TP53INP2: variants seen among roughly 807,000 people sequenced by gnomAD.
The protein encoded by TP53INP2 is tumor protein p53-inducible nuclear protein 2.
TP53INP2 carries 12 observed loss-of-function variants against 17.1 expected under a neutral mutation model. That is an observed-to-expected ratio of 0.70 (90% CI 0.45 to 1.14). The LOEUF (loss-of-function observed/expected upper bound fraction) is 1.14. TP53INP2 is among the 50% of genes most tolerant of loss of function. TP53INP2 has a pLI of 0.00. For missense variants in TP53INP2, 342 were observed against 330.9 expected (o/e 1.03, Z -0.26); for synonymous variants, 145 against 147.3 (o/e 0.98, Z 0.12).
rs763233128 is a variant in TP53INP2 at position 34,710,543 on chromosome 20, C to G, written c.*236C>G. On this transcript the variant is annotated 3_prime_UTR_variant, in exon 5 of 5. Coordinates refer to ENST00000374810, the MANE Select transcript of TP53INP2 (RefSeq NM_021202.3). This position sits in a 1 kb window ranked among gnomAD's most constrained non-coding sequence, Gnocchi z 4.9. The stretch of plus-strand genomic sequence containing the variant: ...TACCCAGCATCTAATCATCCATGCC[C>G]CCTACTCCTGGCCCCTCCATCCTTT... The G allele has an allele frequency of 5.2e-6, 2 of 388,040 alleles. No individual in the cohort carries two copies. The highest frequency in any genetic ancestry group is 8.9e-6 in the Non-Finnish European group (2 of 224,718). 24.0% of individuals were successfully genotyped at this position (388,040 alleles called of 1,614,324 possible). A position where few individuals can be genotyped will look rare whatever the true frequency, so the allele number is the denominator to read the frequency against.
chr20:34,709,176 TG>T lies in TP53INP2; in HGVS notation c.125-59del, dbSNP rs1167990601. The stretch of plus-strand genomic sequence containing the variant: ...CCCTTGTCCGGTGTGTGTGTGTGTG[TG>T]TGTGTGTGCCTCCTCGCTGCTCCCC... On this transcript the variant is annotated intron_variant, in intron 3 of 4. Transcript: ENST00000374810. This position sits in a 1 kb window ranked among gnomAD's most constrained non-coding sequence, Gnocchi z 5.4. The T allele has an allele frequency of 4.0e-5, 59 of 1,491,878 alleles. No individual in the cohort carries two copies. The African/African-American group carries it at 7.7e-4, about 19-fold the overall frequency. 92.4% of individuals were successfully genotyped at this position (1,491,878 alleles called of 1,614,324 possible). A position where few individuals can be genotyped will look rare whatever the true frequency, so the allele number is the denominator to read the frequency against.
In TP53INP2 at chr20:34,712,533, T is replaced by C. The variant is rs1184456541; in HGVS notation, c.*2226T>C. The stretch of plus-strand genomic sequence containing the variant: ...GCATTTGAGTGTGGCAATATTTTAA[T>C]TGTGTATAGATTTCTAAGAACCAAC... On this transcript the variant is annotated 3_prime_UTR_variant, in exon 5 of 5. Coordinates refer to ENST00000374810, the MANE Select transcript of TP53INP2 (RefSeq NM_021202.3). 6.5e-6 allele frequency: 1 copy of C among 152,680 alleles called. No individual in the cohort carries two copies. The highest frequency in any genetic ancestry group is 1.5e-5 in the Non-Finnish European group (1 of 68,066). The allele number at this position is 152,680 out of a possible 1,614,324, so 9.5% of individuals were successfully genotyped here. A position where few individuals can be genotyped will look rare whatever the true frequency, so the allele number is the denominator to read the frequency against.
At chr20:34,705,067 G>T (rs6088583) in intron 1 of TP53INP2, among the ~76,000 whole-genome samples, 5 of 152,206 alleles carry the variant, frequency 3.3e-5, no homozygotes, top group Admixed American at 6.5e-5. Context: ...TTTGTGTGCA[G>T]CGCCTTAGCT....
At position 34,709,145 on chromosome 20, in the gene TP53INP2, C is replaced by T; in HGVS notation, c.125-91C>T. The T allele has an allele frequency of 1.4e-6, 2 of 1,444,358 alleles. No homozygotes were observed. Among genetic ancestry groups the T allele is most frequent in the Non-Finnish European group, 1.8e-6 (2 of 1,102,766 alleles). 89.5% of individuals were successfully genotyped at this position (1,444,358 alleles called of 1,614,324 possible). A position where few individuals can be genotyped will look rare whatever the true frequency, so the allele number is the denominator to read the frequency against. ...TCTGACTAACGATGCCCTTTCTCTC[C>T]CCGCCCCCTTGTCCGGTGTGTGTGT... On this transcript the variant is annotated intron_variant, in intron 3 of 4. Coordinates refer to ENST00000374810, the MANE Select transcript of TP53INP2 (RefSeq NM_021202.3). This position sits in a 1 kb window ranked among gnomAD's most constrained non-coding sequence, Gnocchi z 5.4.
In TP53INP2 at chr20:34,709,452, C is replaced by A; in HGVS notation, c.341C>A (p.Thr114Asn). The A allele has an allele frequency of 6.2e-7, 1 of 1,613,766 alleles. No homozygotes were observed. The highest frequency in any genetic ancestry group is 8.5e-7 in the Non-Finnish European group (1 of 1,179,876). ...PSMSVYVTGS[T>N]IVLEPGSPSP... is the part of the protein sequence containing the mutation. ...ATGTCCGTTTACGTCACCGGCAGCACCATAGTGCTAGAGCCCGGGTCCCCT... is the reference window on the plus strand; with the variant it reads ...ATGTCCGTTTACGTCACCGGCAGCAACATAGTGCTAGAGCCCGGGTCCCCT... The change falls in exon 4 of 5, where the codon ACC (threonine) becomes AAC (asparagine). Residue 114 changes from threonine (T) to asparagine (N), a missense_variant. Transcript: ENST00000374810. The surrounding 1 kb of genome is among the most constrained non-coding windows in gnomAD (Gnocchi z 5.4).
chr20:34,709,097 G>A lies in TP53INP2; in HGVS notation c.125-139G>A. The A allele has an allele frequency of 7.0e-7, 1 of 1,435,536 alleles. No homozygotes were observed. The highest frequency in any genetic ancestry group is 9.1e-7 in the Non-Finnish European group (1 of 1,097,656). The allele number at this position is 1,435,536 out of a possible 1,614,324, so 88.9% of individuals were successfully genotyped here. ...AGACGCCTGGCCCGTGGGTGCCCCG[G>A]GGCGCTGCGGACGGGCTGCGGGTCT... On this transcript the variant is annotated intron_variant, in intron 3 of 4. Coordinates refer to ENST00000374810, the MANE Select transcript of TP53INP2 (RefSeq NM_021202.3). The surrounding 1 kb of genome is among the most constrained non-coding windows in gnomAD (Gnocchi z 5.4).
rs369052205 is a variant in TP53INP2 at position 34,710,006 on chromosome 20, G to GCCC, written c.414-52_414-51insCCC. ...GGGTGGGAGATGGCAGCGCCCTCTA[G>GCCC]ACCCCCCGCCCAGCTTACCCGGCTT... On this transcript the variant is annotated intron_variant, in intron 4 of 4. Coordinates refer to ENST00000374810, the MANE Select transcript of TP53INP2 (RefSeq NM_021202.3). This position sits in a 1 kb window ranked among gnomAD's most constrained non-coding sequence, Gnocchi z 4.9. 1,076 of 1,243,650 alleles carry GCCC rather than the reference G, an allele frequency of 8.7e-4. 3 individuals are homozygous for GCCC. Among genetic ancestry groups the GCCC allele is most frequent in the South Asian group, 2.1e-3 (78 of 36,862 alleles). 77.0% of individuals were successfully genotyped at this position (1,243,650 alleles called of 1,614,324 possible). A position where few individuals can be genotyped will look rare whatever the true frequency, so the allele number is the denominator to read the frequency against.
rs768601728 is a variant in TP53INP2, at chr20:34,709,553, GC to G, written c.413+32del. Reference sequence around the variant, plus strand: ...AGCGGGCCGGGGGCGGAGCCTGGAGGCCCAGGGAGACGGATCTTGGAGGCCA... The same window carrying G: ...AGCGGGCCGGGGGCGGAGCCTGGAGGCCAGGGAGACGGATCTTGGAGGCCA... On this transcript the variant is annotated intron_variant, in intron 4 of 4. Coordinates refer to ENST00000374810, the MANE Select transcript of TP53INP2 (RefSeq NM_021202.3). The surrounding 1 kb of genome is among the most constrained non-coding windows in gnomAD (Gnocchi z 5.4). 5.0e-6 allele frequency: 8 copies of G among 1,587,230 alleles called. No homozygotes were observed. Among genetic ancestry groups the G allele is most frequent in the Non-Finnish European group, 6.0e-6 (7 of 1,172,980 alleles).
At chr20:34,707,616 C>A (rs1988031246) in intron 2 of TP53INP2, among the ~76,000 whole-genome samples, 1 of 152,140 alleles carries the variant, frequency 6.6e-6, no homozygotes, top group African/African-American at 2.4e-5. Context: ...TGTGTGGATT[C>A]AATCCCACCT....
At position 34,711,610 on chromosome 20, in the gene TP53INP2, G is replaced by C. The variant is rs992525902; in HGVS notation, c.*1303G>C. 6.6e-6 allele frequency: 1 copy of C among 152,270 alleles called. No individual in the cohort carries two copies. The highest frequency in any genetic ancestry group is 1.5e-5 in the Non-Finnish European group (1 of 68,034). The allele number at this position is 152,270 out of a possible 1,614,324, so 9.4% of individuals were successfully genotyped here. On this transcript the variant is annotated 3_prime_UTR_variant, in exon 5 of 5. Coordinates refer to ENST00000374810, the MANE Select transcript of TP53INP2 (RefSeq NM_021202.3). This position sits in a 1 kb window ranked among gnomAD's most constrained non-coding sequence, Gnocchi z 4.1. ...CTCTTTCTTTCTAGGTTGCTGGGGA[G>C]AAATGGGTACCCTATGATCCCCCTC...
intron 2 of TP53INP2, among the ~76,000 whole-genome samples, chr20:34,706,515 C>T (rs1389650424): frequency 1.3e-5 from 2 of 152,172 alleles, no homozygotes; most frequent in East Asian, 3.8e-4. Context: ...AATGGAGTCA[C>T]TAGCTCCCTG....
In TP53INP2 at chr20:34,710,120, G is replaced by C. The variant is rs1188348027; in HGVS notation, c.476G>C (p.Arg159Pro). The C allele has an allele frequency of 7.9e-7, 1 of 1,263,156 alleles. No individual in the cohort carries two copies. The highest frequency in any genetic ancestry group is 9.9e-7 in the Non-Finnish European group (1 of 1,008,310). The allele number at this position is 1,263,156 out of a possible 1,614,324, so 78.2% of individuals were successfully genotyped here. ...AARHAAPLPARAALLEKAGQV... is the reference protein window; with the variant it reads ...AARHAAPLPAPAALLEKAGQV... ...CGCCACGCCGCTCCTCTCCCAGCGC[G>C]GGCGGCGCTGCTGGAGAAGGCGGGC... Residue 159 changes from arginine to proline, a missense_variant, in exon 5 of 5, where the codon CGG becomes CCG. Physicochemically the swap from Arg to Pro is moderately radical, Grantham distance 103 (BLOSUM62 -2). Coordinates refer to ENST00000374810, the MANE Select transcript of TP53INP2 (RefSeq NM_021202.3). This position sits in a 1 kb window ranked among gnomAD's most constrained non-coding sequence, Gnocchi z 4.9.
At chr20:34,707,282 A>G (rs1988024788) in intron 2 of TP53INP2, among the ~76,000 whole-genome samples, 1 of 152,052 alleles carries the variant, frequency 6.6e-6, no homozygotes, top group Non-Finnish European at 1.5e-5. Flanking sequence ...CAGAGGGGGG[A>G]GGGCCTGCCG....
chr20:34,704,730 G>A (rs1420118172), intron 1 of TP53INP2: 1 of 152,246 alleles, frequency 6.6e-6, no homozygotes, highest in African/African-American at 2.4e-5. Flanking sequence ...GGCTCGGGTC[G>A]CTTGTCCTCC....
In TP53INP2 at chr20:34,710,339, C is replaced by T; in HGVS notation, c.*32C>T. The T allele has an allele frequency of 7.6e-7, 1 of 1,312,692 alleles. No individual in the cohort carries two copies. The allele number at this position is 1,312,692 out of a possible 1,614,324, so 81.3% of individuals were successfully genotyped here. A position where few individuals can be genotyped will look rare whatever the true frequency, so the allele number is the denominator to read the frequency against. ...ACCGGCCGCGCCACGAACCCCTTGC[C>T]GATCCCGATCCCTGTCGGGCTCCTC... On this transcript the variant is annotated 3_prime_UTR_variant, in exon 5 of 5. Transcript: ENST00000374810. The surrounding 1 kb of genome is among the most constrained non-coding windows in gnomAD (Gnocchi z 4.9).
rs191735700 is a variant in TP53INP2, at chr20:34,713,098, C to T, written c.*2791C>T. 1.7e-4 allele frequency: 26 copies of T among 152,624 alleles called. No individual in the cohort carries two copies. The highest frequency in any genetic ancestry group is 1.2e-4 in the Non-Finnish European group (8 of 68,054). 9.5% of individuals were successfully genotyped at this position (152,624 alleles called of 1,614,324 possible). A position where few individuals can be genotyped will look rare whatever the true frequency, so the allele number is the denominator to read the frequency against. ...GGACCCCACCAGAGCTCTTGGATAC[C>T]CCCCTAGATCCATGTGGCTTTATGT... On this transcript the variant is annotated 3_prime_UTR_variant, in exon 5 of 5. Coordinates refer to ENST00000374810, the MANE Select transcript of TP53INP2 (RefSeq NM_021202.3).
rs1988153646 is a variant in TP53INP2, at chr20:34,710,284, T to C, written c.640T>C (p.Cys214Arg). 1.4e-6 allele frequency: 2 copies of C among 1,416,622 alleles called. No homozygotes were observed. Among genetic ancestry groups the C allele is most frequent in the Non-Finnish European group, 1.9e-6 (2 of 1,073,802 alleles). The allele number at this position is 1,416,622 out of a possible 1,614,324, so 87.8% of individuals were successfully genotyped here. ...KNQSSFIYQP[C>R]QRQFNY ...CCAGAGCAGCTTCATCTACCAGCCG[T>C]GCCAGCGCCAGTTCAACTACTGAGC... is the stretch of plus-strand genomic sequence containing the variant. The change falls in exon 5 of 5, where the codon TGC (cysteine) becomes CGC (arginine). Residue 214 changes from cysteine (C) to arginine (R), a missense_variant. Cys to Arg is a radical substitution (Grantham distance 180). Transcript: ENST00000374810. This position sits in a 1 kb window ranked among gnomAD's most constrained non-coding sequence, Gnocchi z 4.9.
In TP53INP2 at chr20:34,709,370, G is replaced by T. The variant is rs764474503; in HGVS notation, c.259G>T (p.Gly87Cys). Residue 87 changes from glycine (G) to cysteine (C), a missense_variant, in exon 4 of 5, where the codon GGT (glycine) becomes TGT (cysteine). Gly to Cys is a radical substitution (Grantham distance 159). Coordinates refer to ENST00000374810, the MANE Select transcript of TP53INP2 (RefSeq NM_021202.3). The surrounding 1 kb of genome is among the most constrained non-coding windows in gnomAD (Gnocchi z 5.4). The stretch of plus-strand genomic sequence containing the variant: ...TTTTACGGCAGAGGGGCCTGGACTC[G>T]GTCCCGCCCGCCTCCAGAGCAGTCC... ...ACFTAEGPGL[G>C]PARLQSSPLE... The T allele has an allele frequency of 6.2e-7, 1 of 1,613,712 alleles. No homozygotes were observed. Among genetic ancestry groups the T allele is most frequent in the Admixed American group, 1.7e-5 (1 of 60,028 alleles).
rs754415182 is a variant in TP53INP2 at position 34,709,213 on chromosome 20, G to A, written c.125-23G>A. On this transcript the variant is annotated intron_variant, in intron 3 of 4. Transcript: ENST00000374810. The surrounding 1 kb of genome is among the most constrained non-coding windows in gnomAD (Gnocchi z 5.4). ...TCCTCGCTGCTCCCCTCCTCTGCAC[G>A]GCTCCCATCCCGCGCCCCGTAGACA... 7.2e-6 allele frequency: 11 copies of A among 1,534,908 alleles called. No homozygotes were observed. The highest frequency in any genetic ancestry group is 2.1e-4 in the Middle Eastern group (1 of 4,678).
Sources: gnomAD v4.1 joint callset for allele counts (sites outside exome capture counted in the v4.1 genomes callset) on GRCh38, gnomAD v4.1.1 for gene constraint, Gnocchi (gnomAD v3.1) non-coding constraint, MANE v1.5 for transcripts, NCBI Gene and HGNC (gene_info 2026-07-23, HGNC 2026-07-21) for gene names.